Variants in NTRK3 observed in about 807,000 individuals in gnomAD.
The protein encoded by NTRK3 is neurotrophic receptor tyrosine kinase 3.
In NTRK3, 24 loss-of-function variants were observed where a neutral mutation model predicts 91.7. The observed-to-expected ratio is 0.26, with a 90% CI of 0.19 to 0.37. The LOEUF is 0.37. Among genes scored for constraint, NTRK3 ranks in the 10% least tolerant of loss-of-function variants. The probability of loss-of-function intolerance (pLI) is 1.00; values close to 1 mark genes in which losing one functional copy is unlikely to be tolerated. For missense variants in NTRK3, 880 were observed against 1,068.9 expected (o/e 0.82, Z 2.46); for synonymous variants, 483 against 404.0 (o/e 1.20, Z -2.34).
intron 3 of NTRK3, among the ~76,000 whole-genome samples, chr15:88,224,888 C>G (rs1253614902): frequency 6.6e-6 from 1 of 152,226 alleles, no homozygotes; most frequent in Non-Finnish European, 1.5e-5. Context: ...GGCACTGGAG[C>G]TGGAGAATCA....
Position 88,138,388 on chromosome 15 carries a change from C to T in NTRK3, c.465-827G>A, listed in dbSNP as rs11857613. ...TTGCACCACTGCACTCCAGCCTGGG[C>T]GACAGAGCAAGACTCTGTCTCAAGA... On this transcript the variant is annotated intron_variant, in intron 6 of 18. Transcript: ENST00000394480. Among the ~76,000 whole-genome samples, 365 of 152,164 alleles carry T rather than the reference C, an allele frequency of 2.4e-3. 3 individuals carry two copies. The highest frequency in any genetic ancestry group is 7.7e-3 in the African/African-American group (319 of 41,528).
chr15:88,011,960 A>G (rs1428176583), intron 14 of NTRK3, among the ~76,000 whole-genome samples: 1 of 152,150 alleles, frequency 6.6e-6, no homozygotes, highest in Non-Finnish European at 1.5e-5. Context: ...CATTTAACAC[A>G]CACGAAGACC....
chr15:88,090,418 G>A (rs1439603307), intron 13 of NTRK3, among the ~76,000 whole-genome samples: 1 of 152,126 alleles, frequency 6.6e-6, no homozygotes, highest in East Asian at 1.9e-4. Context: ...AAGGGAGGAA[G>A]GGAGAAAGGA....
intron 14 of NTRK3, among the ~76,000 whole-genome samples, chr15:87,943,045 C>T (rs532372128): frequency 5.2e-4 from 79 of 152,094 alleles, no homozygotes; most frequent in African/African-American, 1.8e-3. Context: ...AATAGGAGAA[C>T]TTGAGAATGC....
chr15:88,166,270 G>T (rs1044929800), intron 5 of NTRK3, among the ~76,000 whole-genome samples: 3 of 152,198 alleles, frequency 2.0e-5, no homozygotes, highest in Admixed American at 6.5e-5. Context: ...GCCTCTGGAA[G>T]GCAGAAGTGG....
At chr15:88,221,084 ACT>A (rs2050192090) in intron 3 of NTRK3, among the ~76,000 whole-genome samples, 1 of 152,106 alleles carries the variant, frequency 6.6e-6, no homozygotes, top group Non-Finnish European at 1.5e-5. Context: ...AAAGAAAGAA[ACT>A]CTATTGCTGG....
chr15:87,894,070 T>G (rs915863973), intron 17 of NTRK3, among the ~76,000 whole-genome samples: 1 of 152,250 alleles, frequency 6.6e-6, no homozygotes, highest in African/African-American at 2.4e-5. Context: ...AATTTAATCT[T>G]TCTTGATTCC....
At chr15:88,231,273 A>G (rs913350676) in intron 3 of NTRK3, among the ~76,000 whole-genome samples, 2 of 152,042 alleles carry the variant, frequency 1.3e-5, no homozygotes, top group Non-Finnish European at 2.9e-5. Context: ...ATTGTTTAAC[A>G]TTTTTGTATA....
chr15:88,081,327 C>T (rs1440160289), intron 13 of NTRK3, among the ~76,000 whole-genome samples: 1 of 152,126 alleles, frequency 6.6e-6, no homozygotes, highest in Non-Finnish European at 1.5e-5. Flanking sequence ...GCTGGACAAC[C>T]AGGACACCCC....
intron 13 of NTRK3, among the ~76,000 whole-genome samples, chr15:88,092,434 G>C (rs953127197): frequency 4.6e-5 from 7 of 152,168 alleles, no homozygotes; most frequent in South Asian, 2.1e-4. Context: ...CAGGACCAGA[G>C]CTTGGTTAAA....
intron 10 of NTRK3, chr15:88,131,920 C>T (rs533743977): frequency 4.6e-5 from 9 of 197,170 alleles, no homozygotes; most frequent in South Asian, 1.9e-4. Flanking sequence ...CTGGGAGGAG[C>T]GCTTGTCCAG....
chr15:87,968,333 A>C (rs1417578500), intron 14 of NTRK3, among the ~76,000 whole-genome samples: 1 of 152,196 alleles, frequency 6.6e-6, no homozygotes, highest in Non-Finnish European at 1.5e-5. Context: ...TTTGAGAACC[A>C]CTGCCCTAGA....
chr15:87,864,297 G>A (rs561242029), exon 19 of NTRK3: 18 of 232,178 alleles, frequency 7.8e-5, no homozygotes, highest in African/African-American at 3.7e-4. Flanking sequence ...AGAATTGGAG[G>A]AGCCTTTACT....
At chr15:88,188,528 T>C (rs1057480615) in intron 3 of NTRK3, among the ~76,000 whole-genome samples, 7 of 152,208 alleles carry the variant, frequency 4.6e-5, no homozygotes, top group African/African-American at 1.4e-4. Context: ...TCCTGCTTTA[T>C]TATATAAAGC....
intron 5 of NTRK3, among the ~76,000 whole-genome samples, chr15:88,167,462 T>C (rs1297292584): frequency 1.3e-5 from 2 of 152,226 alleles, no homozygotes; most frequent in Non-Finnish European, 2.9e-5. Flanking sequence ...CTACTACTTC[T>C]AGCTGTGTGG....
intron 17 of NTRK3, among the ~76,000 whole-genome samples, chr15:87,905,225 T>C (rs1567091075): frequency 1.3e-5 from 2 of 152,210 alleles, no homozygotes; most frequent in Admixed American, 6.5e-5. Context: ...TTGACATGCA[T>C]AGAGACCCTG....
intron 14 of NTRK3, among the ~76,000 whole-genome samples, chr15:87,962,677 G>C (rs2072410166): frequency 6.6e-6 from 1 of 152,130 alleles, no homozygotes; most frequent in Admixed American, 6.5e-5. Context: ...TCTCTGAATT[G>C]TCTGTGGCCT....
chr15:88,018,368 G>A (rs2077381590), intron 14 of NTRK3, among the ~76,000 whole-genome samples: 1 of 152,180 alleles, frequency 6.6e-6, no homozygotes, highest in Admixed American at 6.5e-5. Flanking sequence ...AAAGGTGGGG[G>A]TGTGGGTGAA....
At chr15:88,189,418 C>CT (rs10588011) in intron 3 of NTRK3, among the ~76,000 whole-genome samples, 56 of 147,102 alleles carry the variant, frequency 3.8e-4, no homozygotes, top group Admixed American at 1.1e-3. Flanking sequence ...ATTGCAATTC[C>CT]TTTTTTTTTT....
Sources: gnomAD v4.1 joint callset for allele counts (sites outside exome capture counted in the v4.1 genomes callset) on GRCh38, gnomAD v4.1.1 for gene constraint, MANE v1.5 for transcripts, NCBI Gene and HGNC (gene_info 2026-07-23, HGNC 2026-07-21) for gene names.